The following TMEM132D variants were observed in gnomAD, a reference collection of about 807,000 sequenced individuals.
The protein encoded by TMEM132D is mature OL transmembrane protein.
TMEM132D carries 21 observed loss-of-function variants against 62.3 expected under a neutral mutation model. That is an observed-to-expected ratio of 0.34 (90% confidence interval 0.24 to 0.49). The LOEUF (loss-of-function observed/expected upper bound fraction) is 0.49, where lower values mean the gene tolerates loss of function less well. TMEM132D is among the 20% of genes least tolerant of loss of function. TMEM132D has a pLI of 0.99. For synonymous variants in TMEM132D, 621 were observed against 575.6 expected (o/e 1.08, Z -1.13); for missense variants, 1,346 against 1,402.8 (o/e 0.96, Z 0.65).
chr12:129,513,852 T>TTTATTTA (rs1566093771), intron 3 of TMEM132D, among the ~76,000 whole-genome samples: 4 of 112,344 alleles, frequency 3.6e-5, no homozygotes, highest in South Asian at 3.3e-4. Flanking sequence ...TTATTTATTT[T>TTTATTTA]TTTGAGACGG....
intron 5 of TMEM132D, chr12:129,085,364 A>T (rs1243872420): frequency 6.6e-6 from 1 of 152,020 alleles, no homozygotes; most frequent in African/African-American, 2.4e-5. Flanking sequence ...GGGCTCGACG[A>T]GGCACAGGGG....
chr12:129,722,340 C>T (rs1380386936), intron 1 of TMEM132D, among the ~76,000 whole-genome samples: 1 of 46,284 alleles, frequency 2.2e-5, no homozygotes, highest in Non-Finnish European at 7.8e-5. Context: ...CTGCCTGTCA[C>T]TCTTCCCCTA....
intron 1 of TMEM132D, among the ~76,000 whole-genome samples, chr12:129,891,076 C>T (rs1205793177): frequency 6.6e-6 from 1 of 152,086 alleles, no homozygotes. Flanking sequence ...CCTAGAGGAG[C>T]CTCCTCTTCC....
At chr12:129,515,275 G>A (rs998849387) in intron 3 of TMEM132D, among the ~76,000 whole-genome samples, 3 of 152,014 alleles carry the variant, frequency 2.0e-5, no homozygotes, top group African/African-American at 4.8e-5. Flanking sequence ...AGCTCTGCAC[G>A]GTTTTTTGAA....
chr12:129,475,675 G>A (rs965423801), intron 3 of TMEM132D, among the ~76,000 whole-genome samples: 2 of 152,108 alleles, frequency 1.3e-5, no homozygotes, highest in African/African-American at 2.4e-5. Flanking sequence ...CTGCTTCATC[G>A]TATAATAATG....
At chr12:129,570,420 T>C (rs113607424) in intron 2 of TMEM132D, among the ~76,000 whole-genome samples, 4 of 152,196 alleles carry the variant, frequency 2.6e-5, no homozygotes, top group Admixed American at 2.6e-4. Flanking sequence ...AAAGCTTTTT[T>C]AAGAGGTGAA....
chr12:129,423,071 G>A, intron 3 of TMEM132D, among the ~76,000 whole-genome samples: 1 of 151,290 alleles, frequency 6.6e-6, no homozygotes, highest in South Asian at 2.1e-4. Context: ...ATATATATAT[G>A]TACATCTTTA....
At chr12:129,286,698 G>A (rs1290194744) in intron 4 of TMEM132D, among the ~76,000 whole-genome samples, 1 of 152,140 alleles carries the variant, frequency 6.6e-6, no homozygotes, top group Non-Finnish European at 1.5e-5. Flanking sequence ...TCCATTAAGA[G>A]CAAATGTGTG....
intron 3 of TMEM132D, among the ~76,000 whole-genome samples, chr12:129,391,822 T>C (rs1262569470): frequency 6.6e-6 from 1 of 152,200 alleles, no homozygotes; most frequent in Non-Finnish European, 1.5e-5. Flanking sequence ...AGTGGTGCTA[T>C]CTTGGCTCAC....
chr12:129,833,429 C>T (rs1400163667), intron 1 of TMEM132D, among the ~76,000 whole-genome samples: 1 of 151,852 alleles, frequency 6.6e-6, no homozygotes, highest in African/African-American at 2.4e-5. Flanking sequence ...GGTGAAACCC[C>T]ATCCCTACAA....
chr12:129,438,408 A>G (rs1259541613), intron 3 of TMEM132D, among the ~76,000 whole-genome samples: 1 of 152,222 alleles, frequency 6.6e-6, no homozygotes, highest in East Asian at 1.9e-4. Flanking sequence ...TGTGTTGTAT[A>G]TTCATATAAT....
intron 5 of TMEM132D, among the ~76,000 whole-genome samples, chr12:129,097,481 T>C (rs553853883): frequency 6.6e-6 from 1 of 152,246 alleles, no homozygotes; most frequent in African/African-American, 2.4e-5. Context: ...TAGAAGAAAC[T>C]TAGGAATGAG....
chr12:129,676,651 G>A (rs770749804), intron 2 of TMEM132D, among the ~76,000 whole-genome samples: 2 of 152,084 alleles, frequency 1.3e-5, no homozygotes, highest in African/African-American at 2.4e-5. Flanking sequence ...CTGCGGGGAG[G>A]GCACCAAGCC....
At chr12:129,645,703 G>C (rs953356266) in intron 2 of TMEM132D, among the ~76,000 whole-genome samples, 2 of 152,160 alleles carry the variant, frequency 1.3e-5, no homozygotes, top group East Asian at 3.9e-4. Context: ...CCAGTCAGAA[G>C]ACCCCATTGA....
chr12:129,379,494 G>T (rs1593357519), intron 3 of TMEM132D, among the ~76,000 whole-genome samples: 1 of 152,206 alleles, frequency 6.6e-6, no homozygotes, highest in East Asian at 1.9e-4. Context: ...GTCTGTAGTG[G>T]TAATGACCTA....
intron 4 of TMEM132D, among the ~76,000 whole-genome samples, chr12:129,235,121 C>G (rs965007114): frequency 6.6e-6 from 1 of 152,212 alleles, no homozygotes; most frequent in Non-Finnish European, 1.5e-5. Flanking sequence ...CCACAGTACA[C>G]CAGCCTCCGC....
At chr12:129,153,139 C>T (rs1877126252) in intron 5 of TMEM132D, among the ~76,000 whole-genome samples, 2 of 152,162 alleles carry the variant, frequency 1.3e-5, no homozygotes, top group South Asian at 4.1e-4. Context: ...TCCTAAATCC[C>T]AACCCTCGAG....
At chr12:129,488,278 T>C (rs920048465) in intron 3 of TMEM132D, among the ~76,000 whole-genome samples, 2 of 152,246 alleles carry the variant, frequency 1.3e-5, no homozygotes, top group Non-Finnish European at 2.9e-5. Flanking sequence ...TCTGGGTTCA[T>C]GTCCATGGGC....
chr12:129,135,997 T>C (rs775118309), intron 5 of TMEM132D, among the ~76,000 whole-genome samples: 2 of 152,190 alleles, frequency 1.3e-5, no homozygotes, highest in Non-Finnish European at 2.9e-5. Flanking sequence ...CATTCTAAAG[T>C]ACCTGTGATT....
Sources: gnomAD v4.1 joint callset for allele counts (sites outside exome capture counted in the v4.1 genomes callset) on GRCh38, gnomAD v4.1.1 for gene constraint, MANE v1.5 for transcripts, NCBI Gene and HGNC (gene_info 2026-07-23, HGNC 2026-07-21) for gene names.